Variants in TALDO1 observed in about 807,000 individuals in gnomAD.
TALDO1 encodes the protein transaldolase 1, also known as transaldolase.
In TALDO1, 29 loss-of-function variants were observed where a neutral mutation model predicts 38.1. The ratio of observed to expected loss-of-function variants is 0.76; its 90% CI spans 0.57 to 1.04. The LOEUF is 1.04. TALDO1 is among the 50% of genes least tolerant of loss of function. The pLI, the probability that TALDO1 is intolerant of heterozygous loss-of-function variation, is 0.00. For missense variants in TALDO1, 499 were observed against 438.1 expected (o/e 1.14, Z -1.24); for synonymous variants, 207 against 176.8 (o/e 1.17, Z -1.36).
At chr11:762,218 C>T (rs1862937711) in intron 4 of TALDO1, among the ~76,000 whole-genome samples, 1 of 152,200 alleles carries the variant, frequency 6.6e-6, no homozygotes, top group Non-Finnish European at 1.5e-5. Context: ...CCCGCCTCGG[C>T]CTCCCAAAGT....
At chr11:755,609 G>A (rs1014729494) in intron 1 of TALDO1, 9 of 485,190 alleles carry the variant, frequency 1.9e-5, no homozygotes, top group South Asian at 4.1e-5. Flanking sequence ...CTGTCGCACC[G>A]CTCACTCCCA....
At chr11:753,978 G>GA (rs1009439034) in intron 1 of TALDO1, among the ~76,000 whole-genome samples, 1 of 151,220 alleles carries the variant, frequency 6.6e-6, no homozygotes, top group Non-Finnish European at 1.5e-5. Flanking sequence ...TTACTCTGAA[G>GA]AAAAAAACTT....
chr11:748,598 G>A (rs1862699043), intron 1 of TALDO1, among the ~76,000 whole-genome samples: 1 of 152,204 alleles, frequency 6.6e-6, no homozygotes, highest in Non-Finnish European at 1.5e-5. Context: ...GCTTTCTCAT[G>A]GTGACTTGAG....
At chr11:758,446 GA>G (rs1256981246) in intron 2 of TALDO1, among the ~76,000 whole-genome samples, 5 of 150,168 alleles carry the variant, frequency 3.3e-5, no homozygotes, top group Admixed American at 6.6e-5. Flanking sequence ...TGTCTTGGGG[GA>G]AAAAAAAAAG....
rs1170655672 is a variant in TALDO1 at position 764,816 on chromosome 11, C to G, written c.985C>G (p.Arg329Gly). 3 of 1,614,034 alleles carry G rather than the reference C, an allele frequency of 1.9e-6. No homozygotes were observed. Among genetic ancestry groups the G allele is most frequent in the Admixed American group, 3.3e-5 (2 of 60,006 alleles). ...AVKLERMLTE[R>G]MFNAENGK ...CTCGTGCTCTGTTTGTTTCTAGGAA[C>G]GAATGTTCAATGCAGAGAATGGAAA... Residue 329 changes from arginine (R) to glycine (G), a missense_variant, in exon 8 of 8, where the codon CGA becomes GGA. Arg to Gly is a moderately radical substitution (Grantham distance 125). Transcript: ENST00000319006.
In TALDO1 at chr11:747,487, G is replaced by A. The variant is rs766901533; in HGVS notation, c.6G>A (p.Ser2=). 1 of 1,596,330 alleles carries A rather than the reference G, an allele frequency of 6.3e-7. No individual in the cohort carries two copies. The highest frequency in any genetic ancestry group is 8.5e-7 in the Non-Finnish European group (1 of 1,173,216). M[S]SSPVKRQRME... is the part of the protein sequence containing the mutation. ...GCAGACCCCTCGGTCTTGCTATGTCGAGCTCACCCGTGAAGCGTCAGAGGA... is the reference window on the plus strand; with the variant it reads ...GCAGACCCCTCGGTCTTGCTATGTCAAGCTCACCCGTGAAGCGTCAGAGGA... Residue 2 remains serine (S), a synonymous_variant, in exon 1 of 8, where the codon TCG becomes TCA. Coordinates refer to ENST00000319006, the MANE Select transcript of TALDO1 (RefSeq NM_006755.2).
chr11:747,655 C>T (rs910567226), intron 1 of TALDO1, 77 bp downstream of exon 1: 1 of 1,287,594 alleles, frequency 7.8e-7, no homozygotes, highest in Non-Finnish European at 1.1e-6. Context: ...CCGGGTCTCC[C>T]GTTCCGGGAC....
rs191443986 is a variant in TALDO1, at chr11:754,612, C to T, written c.98-1267C>T. Among the ~76,000 whole-genome samples, 117 of 152,182 alleles carry T rather than the reference C, an allele frequency of 7.7e-4. 1 individual carries two copies. The highest frequency in any genetic ancestry group is 1.2e-3 in the Non-Finnish European group (83 of 68,016). The stretch of plus-strand genomic sequence containing the variant: ...TCAGCCTCCTGAGTAGCTGGGATTA[C>T]GGGCATGTGTCACCACACCCAGCTC... On this transcript the variant is annotated intron_variant, in intron 1 of 7. Coordinates refer to ENST00000319006, the MANE Select transcript of TALDO1 (RefSeq NM_006755.2).
intron 1 of TALDO1, among the ~76,000 whole-genome samples, chr11:752,067 G>GCTTTT (rs1432592863): frequency 1.3e-5 from 2 of 151,546 alleles, no homozygotes; most frequent in East Asian, 2.0e-4. Context: ...TTATCTACTT[G>GCTTTT]CTTTTCTTTT....
At chr11:761,760 C>T (rs984554473) in intron 4 of TALDO1, among the ~76,000 whole-genome samples, 6 of 152,156 alleles carry the variant, frequency 3.9e-5, no homozygotes, top group Non-Finnish European at 7.3e-5. Context: ...CTCACTGCAG[C>T]CTTGACTCCA....
rs71022968 is a variant in TALDO1 at position 761,335 on chromosome 11, C to CAAAAAA, written c.461+1095_461+1100dup. ...TGGGTGACAGAATGAGACTCCATCT[C>CAAAAAA]AAAAAAAAAAAAAAAAAAGAAAAGA... is the stretch of plus-strand genomic sequence containing the variant. On this transcript the variant is annotated intron_variant, in intron 4 of 7. Coordinates refer to ENST00000319006, the MANE Select transcript of TALDO1 (RefSeq NM_006755.2). Among the ~76,000 whole-genome samples the CAAAAAA allele has an allele frequency of 7.3e-5, 6 of 82,056 alleles. 1 individual carries two copies. The highest frequency in any genetic ancestry group is 9.9e-5 in the Non-Finnish European group (4 of 40,366). The allele number at this position is 82,056 out of a possible 152,430, so 53.8% of individuals were successfully genotyped here. A position where few individuals can be genotyped will look rare whatever the true frequency, so the allele number is the denominator to read the frequency against.
intron 1 of TALDO1, among the ~76,000 whole-genome samples, chr11:751,570 G>T (rs1862752256): frequency 6.6e-6 from 1 of 152,094 alleles, no homozygotes; most frequent in African/African-American, 2.4e-5. Flanking sequence ...GAGGAGGGTG[G>T]ATCACCTGAG....
At chr11:759,678 C>G (rs1300999653) in intron 3 of TALDO1, among the ~76,000 whole-genome samples, 5 of 150,952 alleles carry the variant, frequency 3.3e-5, no homozygotes, top group Admixed American at 2.0e-4. Context: ...CTCCCGGGTT[C>G]AAGCGATTCT....
At chr11:748,916 C>A (rs1247043984) in intron 1 of TALDO1, among the ~76,000 whole-genome samples, 1 of 152,174 alleles carries the variant, frequency 6.6e-6, no homozygotes, top group East Asian at 1.9e-4. Flanking sequence ...GAATAATTTG[C>A]AGTTTGCCTG....
chr11:755,436 G>T (rs760409862), intron 1 of TALDO1, among the ~76,000 whole-genome samples: 1 of 152,132 alleles, frequency 6.6e-6, no homozygotes, highest in Non-Finnish European at 1.5e-5. Flanking sequence ...GGGCCGCCGC[G>T]CCCAGCTCCC....
intron 1 of TALDO1, among the ~76,000 whole-genome samples, chr11:754,796 G>T (rs1862805493): frequency 6.6e-6 from 1 of 151,732 alleles, no homozygotes; most frequent in Non-Finnish European, 1.5e-5. Context: ...TAAGAGATAG[G>T]GTCTTGCTCT....
intron 1 of TALDO1, among the ~76,000 whole-genome samples, chr11:753,049 G>A (rs962465988): frequency 3.9e-5 from 6 of 152,164 alleles, no homozygotes; most frequent in Non-Finnish European, 8.8e-5. Context: ...GGTCACAGAA[G>A]TCCTCTCTGT....
At position 763,420 on chromosome 11, in the gene TALDO1, G is replaced by A. The variant is rs773580366; in HGVS notation, c.538G>A (p.Glu180Lys). 30 of 1,613,164 alleles carry A rather than the reference G, an allele frequency of 1.9e-5. No individual in the cohort carries two copies. Among genetic ancestry groups the A allele is most frequent in the Admixed American group, 1.2e-4 (7 of 59,884 alleles). Residue 180 changes from glutamate (E) to lysine (K), a missense_variant, in exon 5 of 8, where the codon GAG becomes AAG. Transcript: ENST00000319006. Reference sequence around the variant, plus strand: ...CTTCGCCCAGGCTGTGGCCTGTGCCGAGGCGGGTGTGACCCTCATCTCCCC... The same window carrying A: ...CTTCGCCCAGGCTGTGGCCTGTGCCAAGGCGGGTGTGACCCTCATCTCCCC... ...FSFAQAVACA[E>K]AGVTLISPFV...
chr11:759,868 C>T (rs916887769), intron 3 of TALDO1, among the ~76,000 whole-genome samples: 37 of 152,226 alleles, frequency 2.4e-4, no homozygotes, highest in South Asian at 2.1e-4. Flanking sequence ...GCGTGAGCCA[C>T]GGCACCTGGC....
Sources: gnomAD v4.1 joint callset for allele counts (sites outside exome capture counted in the v4.1 genomes callset) on GRCh38, gnomAD v4.1.1 for gene constraint, MANE v1.5 for transcripts, NCBI Gene and HGNC (gene_info 2026-07-23, HGNC 2026-07-21) for gene names.